ATP11B: variants seen among roughly 807,000 people sequenced by gnomAD.
ATP11B encodes phospholipid-transporting ATPase IF.
ATP11B carries 81 observed loss-of-function variants against 157.8 expected under a neutral mutation model. That is an observed-to-expected ratio of 0.51 (90% confidence interval 0.43 to 0.62). The LOEUF is 0.62. Ranked by LOEUF, ATP11B falls within the 20% of genes least tolerant of loss-of-function variation. ATP11B has a pLI of 0.00. For missense variants in ATP11B, 1,165 were observed against 1,402.2 expected, an observed-to-expected ratio of 0.83 and a Z score of 2.70; for synonymous variants, 451 against 469.4, an observed-to-expected ratio of 0.96 and a Z score of 0.51.
chr3:182,889,129 G>A (rs1478627014), intron 24 of ATP11B, among the ~76,000 whole-genome samples: 4 of 152,106 alleles, frequency 2.6e-5, no homozygotes, highest in Non-Finnish European at 2.9e-5. Context: ...CCAAAGTGCT[G>A]GGATTACAGG....
At chr3:182,800,327 T>C (rs1715912590) in intron 1 of ATP11B, among the ~76,000 whole-genome samples, 1 of 151,246 alleles carries the variant, frequency 6.6e-6, no homozygotes, top group South Asian at 2.1e-4. Context: ...GCTCAAATGA[T>C]CCTCCTGCCT....
intron 21 of ATP11B, among the ~76,000 whole-genome samples, chr3:182,881,743 T>A (rs1722442712): frequency 6.6e-6 from 1 of 152,206 alleles, no homozygotes; most frequent in Admixed American, 6.5e-5. Context: ...TTTATCCTTT[T>A]TAAATTCTAA....
intron 4 of ATP11B, among the ~76,000 whole-genome samples, chr3:182,834,437 C>T (rs1410561081): frequency 3.9e-5 from 6 of 152,148 alleles, no homozygotes; most frequent in Admixed American, 3.9e-4. Flanking sequence ...TCTCCTAGTT[C>T]TCCTACCCAG....
chr3:182,906,920 C>T (rs1156883703), intron 28 of ATP11B, among the ~76,000 whole-genome samples: 4 of 151,778 alleles, frequency 2.6e-5, no homozygotes, highest in Non-Finnish European at 5.9e-5. Flanking sequence ...AACCCCGTCT[C>T]TACTAAAAAT....
At chr3:182,841,318 A>C (rs1216140670) in intron 7 of ATP11B, among the ~76,000 whole-genome samples, 1 of 152,186 alleles carries the variant, frequency 6.6e-6, no homozygotes, top group Admixed American at 6.5e-5. Context: ...CTCCCACTAG[A>C]ATGTAAACTC....
Position 182,793,539 on chromosome 3 carries a change from A to C in ATP11B, c.-221A>C, listed in dbSNP as rs1009773657. The stretch of plus-strand genomic sequence containing the variant: ...GTGGCTGCGGCGCGGCGGCAGGCTC[A>C]GCTGCGCCGGGCGGGGGCGGCGCCG... On this transcript the variant is annotated 5_prime_UTR_variant, in exon 1 of 30. Transcript: ENST00000323116. The C allele has an allele frequency of 8.4e-6, 3 of 355,490 alleles. No individual in the cohort carries two copies. Among genetic ancestry groups the C allele is most frequent in the African/African-American group, 4.3e-5 (2 of 46,284 alleles). 22.0% of individuals were successfully genotyped at this position (355,490 alleles called of 1,614,324 possible).
At chr3:182,897,232 A>G (rs1723614690) in intron 26 of ATP11B, 71 bp from the exon 27 acceptor site, 1 of 813,194 alleles carries the variant, frequency 1.2e-6, no homozygotes, top group Admixed American at 2.8e-5. Context: ...TTTATTCTTG[A>G]GTTTCATCTG....
chr3:182,873,714 A>G (rs564183657), intron 18 of ATP11B, 98 bp from the exon 19 acceptor site: 68 of 1,016,728 alleles, frequency 6.7e-5, no homozygotes, highest in Middle Eastern at 2.8e-4. Flanking sequence ...AGGTCAAGTC[A>G]AAGAGTTTAG....
At chr3:182,794,401 C>T (rs1178883188) in intron 1 of ATP11B, among the ~76,000 whole-genome samples, 1 of 152,142 alleles carries the variant, frequency 6.6e-6, no homozygotes, top group African/African-American at 2.4e-5. Flanking sequence ...GGTCTAGCTT[C>T]GGAAACGATA....
chr3:182,820,272 C>T lies in ATP11B; in HGVS notation c.40C>T (p.Pro14Ser), dbSNP rs776599975. The T allele has an allele frequency of 3.1e-6, 5 of 1,613,238 alleles. No individual in the cohort carries two copies. Among genetic ancestry groups the T allele is most frequent in the Non-Finnish European group, 4.2e-6 (5 of 1,179,284 alleles). The change falls in exon 2 of 30, where the codon CCA becomes TCA. Residue 14 changes from proline (P) to serine (S), a missense_variant. By Grantham distance (74) the Pro-to-Ser change is moderately conservative (BLOSUM62 -1). This residue lies in a region of ATP11B where 91 missense variants were observed against 95.8 expected (regional missense o/e 0.95). Coordinates refer to ENST00000323116, the MANE Select transcript of ATP11B (RefSeq NM_014616.3). ...TGATTGGTCTTAGGGTTTTGACCCA[C>T]CACATCAGAGTGACACAAGAACCAT... is the stretch of plus-strand genomic sequence containing the variant. ...WIRQQLGFDPPHQSDTRTIYV... is the reference protein window; with the variant it reads ...WIRQQLGFDPSHQSDTRTIYV...
chr3:182,894,429 G>T (rs1399755649), intron 25 of ATP11B, among the ~76,000 whole-genome samples: 1 of 151,936 alleles, frequency 6.6e-6, no homozygotes, highest in Non-Finnish European at 1.5e-5. Context: ...CAGGTGATCC[G>T]CCTGCCTCGG....
chr3:182,857,462 T>C (rs1365190625), intron 10 of ATP11B, among the ~76,000 whole-genome samples: 1 of 152,038 alleles, frequency 6.6e-6, no homozygotes, highest in Admixed American at 6.6e-5. Flanking sequence ...GGTTTTCATA[T>C]AGATTAGGTA....
At chr3:182,849,079 A>T (rs1324443332) in intron 10 of ATP11B, among the ~76,000 whole-genome samples, 2 of 152,238 alleles carry the variant, frequency 1.3e-5, no homozygotes, top group South Asian at 2.1e-4. Context: ...AGTTAGGGGA[A>T]AATAATGTAA....
chr3:182,867,517 G>T, intron 15 of ATP11B, 73 bp downstream of exon 15: 1 of 934,370 alleles, frequency 1.1e-6, no homozygotes, highest in Non-Finnish European at 1.7e-6. Flanking sequence ...TCAGTAAACT[G>T]TAGCTCACAG....
chr3:182,805,781 T>G (rs1374067879), intron 1 of ATP11B, among the ~76,000 whole-genome samples: 1 of 152,116 alleles, frequency 6.6e-6, no homozygotes, highest in Non-Finnish European at 1.5e-5. Flanking sequence ...AATTGGGTTA[T>G]TTCTTGTGTT....
chr3:182,820,045 T>C (rs946097477), intron 1 of ATP11B, among the ~76,000 whole-genome samples: 3 of 151,942 alleles, frequency 2.0e-5, no homozygotes, highest in Non-Finnish European at 4.4e-5. Flanking sequence ...GAAAAAAAAA[T>C]AGTAAAGTTT....
chr3:182,798,229 C>T (rs918418119), intron 1 of ATP11B, among the ~76,000 whole-genome samples: 27 of 152,198 alleles, frequency 1.8e-4, no homozygotes, highest in Non-Finnish European at 3.7e-4. Flanking sequence ...AGGATAAGAA[C>T]CATATCTTAC....
intron 4 of ATP11B, among the ~76,000 whole-genome samples, chr3:182,832,354 C>T (rs1159747996): frequency 6.6e-6 from 1 of 152,128 alleles, no homozygotes; most frequent in East Asian, 1.9e-4. Flanking sequence ...AAATTTGAAC[C>T]ACAAAGATTT....
At position 182,880,893 on chromosome 3, in the gene ATP11B, A is replaced by G; in HGVS notation, c.2421A>G (p.Ile807Met). 1 of 1,586,780 alleles carries G rather than the reference A, an allele frequency of 6.3e-7. No individual in the cohort carries two copies. The highest frequency in any genetic ancestry group is 8.5e-7 in the Non-Finnish European group (1 of 1,170,254). ...ATGTCTTTCAGGTAATAAGACTAAT[A>G]AAAATATCACCTGAGAAACCTATAA... Reference protein sequence around the residue: ...PLQKAKVIRLIKISPEKPITL... With the variant: ...PLQKAKVIRLMKISPEKPITL... Residue 807 changes from isoleucine to methionine, a missense_variant, in exon 21 of 30, where the codon ATA (isoleucine) becomes ATG (methionine). Transcript: ENST00000323116.
Sources: allele counts gnomAD v4.1 joint callset (sites outside exome capture counted in the v4.1 genomes callset), GRCh38; gene constraint gnomAD v4.1.1; regional missense constraint gnomAD v4.1.1; transcripts MANE v1.5; gene names NCBI Gene and HGNC (gene_info 2026-07-23, HGNC 2026-07-21).